Variants in CRTC2 observed in about 807,000 individuals in gnomAD.
CRTC2 encodes the protein CREB regulated transcription coactivator 2.
In CRTC2, 25 loss-of-function variants were observed where a neutral mutation model predicts 70.9. The ratio of observed to expected loss-of-function variants is 0.35; its 90% confidence interval spans 0.26 to 0.49. The LOEUF (loss-of-function observed/expected upper bound fraction) is 0.49. CRTC2 is among the 20% of genes least tolerant of loss of function. The pLI, the probability that CRTC2 is intolerant of heterozygous loss-of-function variation, is 0.98. For synonymous variants in CRTC2, 330 were observed against 364.1 expected, an observed-to-expected ratio of 0.91 and a Z score of 1.07; for missense variants, 737 against 882.6, an observed-to-expected ratio of 0.83 and a Z score of 2.09.
chr1:153,949,415 T>C (rs1557865785), intron 11 of CRTC2, 31 bp from the exon 12 acceptor site: 8 of 1,576,986 alleles, frequency 5.1e-6, no homozygotes, highest in Non-Finnish European at 6.9e-6. Context: ...GGAAGCTTAC[T>C]GCTCAGTGTA....
At chr1:153,955,208 A>G (rs1309060178) in intron 1 of CRTC2, 42 bp from the exon 2 acceptor site, 16 of 1,457,180 alleles carry the variant, frequency 1.1e-5, no homozygotes, top group Non-Finnish European at 1.4e-5. Flanking sequence ...GAGGGTCCTG[A>G]GCACTATTTC....
intron 1 of CRTC2, chr1:153,957,951 G>A (rs765601808): frequency 3.2e-5 from 27 of 850,116 alleles, no homozygotes; most frequent in Admixed American, 1.5e-4. Context: ...AAACTCAGAG[G>A]AGCCAGGTTA....
intron 1 of CRTC2, among the ~76,000 whole-genome samples, chr1:153,956,705 G>T (rs1242579152): frequency 6.6e-6 from 1 of 152,054 alleles, no homozygotes; most frequent in Non-Finnish European, 1.5e-5. Flanking sequence ...CTCCCACCTG[G>T]CCAGATAACA....
In CRTC2 at chr1:153,949,492, G is replaced by A. The variant is rs538877146; in HGVS notation, c.1405-108C>T. ...CTACAACCATTCCCAAAACAAACAT[G>A]ACAACATTCCACATTCTCACGGGCA... On this transcript the variant is annotated intron_variant, in intron 11 of 13. Transcript: ENST00000368633. The A allele has an allele frequency of 2.5e-6, 3 of 1,218,476 alleles. No individual in the cohort carries two copies. In the South Asian group the frequency reaches 4.7e-5, roughly 19 times the overall value. 75.5% of individuals were successfully genotyped at this position (1,218,476 alleles called of 1,614,324 possible). A position where few individuals can be genotyped will look rare whatever the true frequency, so the allele number is the denominator to read the frequency against.
Position 153,948,637 on chromosome 1 carries a change from T to G in CRTC2, c.1682A>C (p.Gln561Pro). 1 of 1,583,380 alleles carries G rather than the reference T, an allele frequency of 6.3e-7. No individual in the cohort carries two copies. The change falls in exon 13 of 14, where the codon CAG (glutamine) becomes CCG (proline). Residue 561 changes from glutamine (Q) to proline (P), a missense_variant. Gln to Pro is a moderately conservative substitution (Grantham distance 76). This residue lies in a region of CRTC2 where 699 missense variants were observed against 823.7 expected (regional missense o/e 0.85). Transcript: ENST00000368633. ...GGCTGATGGGCTCTCCATGCTGAACTGCTCCAGCTATAGACATACAGACAA... is the reference window on the plus strand; with the variant it reads ...GGCTGATGGGCTCTCCATGCTGAACGGCTCCAGCTATAGACATACAGACAA... Reference protein sequence around the residue: ...MSDFNLGNLEQFSMESPSASL... With the variant: ...MSDFNLGNLEPFSMESPSASL...
chr1:153,951,160 G>A, intron 11 of CRTC2, 100 bp downstream of exon 11: 3 of 1,238,736 alleles, frequency 2.4e-6, no homozygotes, highest in African/African-American at 1.5e-5. Context: ...AAGGGGATGA[G>A]TATAGAGTAG....
chr1:153,958,130 C>T, intron 1 of CRTC2: 1 of 1,408,008 alleles, frequency 7.1e-7, no homozygotes, highest in Non-Finnish European at 9.2e-7. Flanking sequence ...CCCCCAGTCG[C>T]CTCTACACCC....
chr1:153,954,408 C>G lies in CRTC2; in HGVS notation c.373-92G>C. 3 of 854,150 alleles carry G rather than the reference C, an allele frequency of 3.5e-6. No homozygotes were observed. In the East Asian group the frequency reaches 7.8e-5, roughly 22 times the overall value. 52.9% of individuals were successfully genotyped at this position (854,150 alleles called of 1,614,324 possible). ...AATGAAGGCAGCAGATAAGTTGTTTCAAGAAACTCATACCTTTCTCCTCTT... is the reference window on the plus strand; with the variant it reads ...AATGAAGGCAGCAGATAAGTTGTTTGAAGAAACTCATACCTTTCTCCTCTT... On this transcript the variant is annotated intron_variant, in intron 3 of 13. Transcript: ENST00000368633.
At position 153,951,548 on chromosome 1, in the gene CRTC2, C is replaced by A. The variant is rs372631687; in HGVS notation, c.1116G>T (p.Leu372=). Residue 372 remains leucine (L), a synonymous_variant, in exon 11 of 14, where the codon CTG becomes CTT. Coordinates refer to ENST00000368633, the MANE Select transcript of CRTC2 (RefSeq NM_181715.3). ...CATGGCGGGCCAAGGAGGAGGCAGG[C>A]AGAGAGGGGTGGCTGTGGGAGCCCT... The part of the protein sequence containing the change: ...QLQGSHSHPS[L]PASSLARHVL... The A allele has an allele frequency of 1.2e-6, 2 of 1,608,516 alleles. No homozygotes were observed. Among genetic ancestry groups the A allele is most frequent in the Non-Finnish European group, 1.7e-6 (2 of 1,177,394 alleles).
intron 9 of CRTC2, 47 bp downstream of exon 9, chr1:153,952,350 C>CT (rs746804045): frequency 1.2e-6 from 2 of 1,610,204 alleles, no homozygotes; most frequent in South Asian, 2.2e-5. Context: ...CTACATCTCC[C>CT]TGTACTTCCT....
In CRTC2 at chr1:153,953,372, A is replaced by G. The variant is rs116570348; in HGVS notation, c.504-3T>C. The G allele has an allele frequency of 3.0e-4, 484 of 1,600,906 alleles. No homozygotes were observed. The highest frequency in any genetic ancestry group is 3.8e-4 in the Non-Finnish European group (451 of 1,171,764). ...GAAGGGCAGAGTCAGAGCTTGTCCTATGGGGGGAGCAGGAATGAGCTGACA... is the reference window on the plus strand; with the variant it reads ...GAAGGGCAGAGTCAGAGCTTGTCCTGTGGGGGGAGCAGGAATGAGCTGACA... On this transcript the variant is annotated splice_region_variant and splice_polypyrimidine_tract_variant and intron_variant, in intron 5 of 13. Transcript: ENST00000368633.
chr1:153,948,290 G>T lies in CRTC2; in HGVS notation c.1901C>A (p.Ala634Asp). 1 of 1,614,278 alleles carries T rather than the reference G, an allele frequency of 6.2e-7. No individual in the cohort carries two copies. Reference protein sequence around the residue: ...SPGFSKEIAAALAGVPGFEVS... With the variant: ...SPGFSKEIAADLAGVPGFEVS... ...CTCAAAGCCAGGCACTCCGGCCAGG[G>T]CTGCTGCAATCTCCTTAGAGAAACC... is the stretch of plus-strand genomic sequence containing the variant. The change falls in exon 14 of 14, where the codon GCC becomes GAC. Residue 634 changes from alanine to aspartate, a missense_variant. Ala to Asp is a moderately radical substitution (Grantham distance 126). This residue lies in a region of CRTC2 where 699 missense variants were observed against 823.7 expected (regional missense o/e 0.85). Transcript: ENST00000368633.
chr1:153,951,699 A>G (rs1159514897), intron 10 of CRTC2, 33 bp from the exon 11 acceptor site: 1 of 1,607,720 alleles, frequency 6.2e-7, no homozygotes, highest in Non-Finnish European at 8.5e-7. Context: ...AGAGATGCCA[A>G]CATTACTGAT....
chr1:153,951,218 A>C (rs1273144894), intron 11 of CRTC2, 42 bp downstream of exon 11: 1 of 1,600,552 alleles, frequency 6.2e-7, no homozygotes. Flanking sequence ...GCAGGAGAAA[A>C]GGGAAGGGAG....
chr1:153,957,014 A>G (rs1680652716), intron 1 of CRTC2, among the ~76,000 whole-genome samples: 1 of 152,198 alleles, frequency 6.6e-6, no homozygotes, highest in Admixed American at 6.5e-5. Context: ...TGTCCCCAAC[A>G]TGATGAAAAA....
rs571052219 is a variant in CRTC2, at chr1:153,958,353, A to G, written c.145T>C (p.Ser49Pro). The change falls in exon 1 of 14, where the codon TCC becomes CCC. Residue 49 changes from serine (S) to proline (P), a missense_variant. This residue lies in a region of CRTC2 where 699 missense variants were observed against 823.7 expected (regional missense o/e 0.85). Transcript: ENST00000368633. ...CCGGCGCGGCCCCTCACCCGGGTGGAGCCGATGTCCATCATCACCTCCTCG... is the reference window on the plus strand; with the variant it reads ...CCGGCGCGGCCCCTCACCCGGGTGGGGCCGATGTCCATCATCACCTCCTCG... Reference protein sequence around the residue: ...AFEEVMMDIGSTRLQAQKLRL... With the variant: ...AFEEVMMDIGPTRLQAQKLRL... 2 of 1,611,970 alleles carry G rather than the reference A, an allele frequency of 1.2e-6. No individual in the cohort carries two copies. The highest frequency in any genetic ancestry group is 2.7e-5 in the African/African-American group (2 of 74,824).
chr1:153,949,238 C>A lies in CRTC2; in HGVS notation c.1551G>T (p.Val517=). 6.2e-7 allele frequency: 1 copy of A among 1,614,104 alleles called. No homozygotes were observed. The highest frequency in any genetic ancestry group is 2.2e-5 in the East Asian group (1 of 44,868). The change falls in exon 12 of 14, where the codon GTG becomes GTT. Residue 517 remains valine (V), a synonymous_variant. Coordinates refer to ENST00000368633, the MANE Select transcript of CRTC2 (RefSeq NM_181715.3). ...QPGLPSQSCS[V]QSSGGQPPGR... ...CTGGGGGCTGCCCACCTGAGGACTG[C>A]ACTGAACAAGACTGAGAGGGCAGCC...
chr1:153,952,332 T>A (rs1680374131), intron 9 of CRTC2, 65 bp downstream of exon 9: 1 of 1,605,176 alleles, frequency 6.2e-7, no homozygotes, highest in Non-Finnish European at 8.5e-7. Flanking sequence ...AGAGCAGAGA[T>A]CAGTCTCCTA....
intron 11 of CRTC2, among the ~76,000 whole-genome samples, chr1:153,950,430 A>C (rs1680261123): frequency 6.6e-6 from 1 of 152,220 alleles, no homozygotes; most frequent in African/African-American, 2.4e-5. Flanking sequence ...CCTACAAAAG[A>C]GGGGACCTGA....
Sources: allele counts gnomAD v4.1 joint callset (sites outside exome capture counted in the v4.1 genomes callset), GRCh38; gene constraint gnomAD v4.1.1; regional missense constraint gnomAD v4.1.1; transcripts MANE v1.5; gene names NCBI Gene and HGNC (gene_info 2026-07-23, HGNC 2026-07-21).